Variants in PTBP2 observed in about 807,000 individuals in gnomAD.
PTBP2 encodes polypyrimidine tract binding protein 2.
Under a neutral mutation model 61.4 loss-of-function variants are expected in PTBP2, and 13 were observed. The ratio of observed to expected loss-of-function variants is 0.21; its 90% CI spans 0.14 to 0.34. The LOEUF (loss-of-function observed/expected upper bound fraction) is 0.34. Ranked by LOEUF, PTBP2 falls within the 10% of genes least tolerant of loss-of-function variation. PTBP2 has a pLI of 1.00. For missense variants in PTBP2, 405 were observed against 642.6 expected (o/e 0.63, Z 4.00); for synonymous variants, 215 against 218.5 (o/e 0.98, Z 0.14).
intron 2 of PTBP2, among the ~76,000 whole-genome samples, chr1:96,736,090 T>TA (rs1325775976): frequency 6.6e-6 from 1 of 152,250 alleles, no homozygotes; most frequent in Non-Finnish European, 1.5e-5. Flanking sequence ...GCCCACCTGT[T>TA]ATTTTATAGC....
rs1190510551 is a variant in PTBP2, at chr1:96,815,042, T to C, written c.*1637T>C. The stretch of plus-strand genomic sequence containing the variant: ...ATACCATAAATAAATCTAGATGCTG[T>C]GAAAATATACCAGCTGGTTTTTTTT... On this transcript the variant is annotated 3_prime_UTR_variant, in exon 14 of 14. Coordinates refer to ENST00000674951, the MANE Select transcript of PTBP2 (RefSeq NM_021190.4). 6.6e-6 allele frequency: 1 copy of C among 152,536 alleles called. No homozygotes were observed. The highest frequency in any genetic ancestry group is 1.5e-5 in the Non-Finnish European group (1 of 67,984). The allele number at this position is 152,536 out of a possible 1,614,324, so 9.4% of individuals were successfully genotyped here. A position where few individuals can be genotyped will look rare whatever the true frequency, so the allele number is the denominator to read the frequency against.
Position 96,749,616 on chromosome 1 carries a change from T to C in PTBP2, c.40-1809T>C, listed in dbSNP as rs769884510. 3.7e-5 allele frequency: 17 copies of C among 455,708 alleles called. No individual in the cohort carries two copies. The East Asian group carries it at 6.9e-4, about 19-fold the overall frequency. 28.2% of individuals were successfully genotyped at this position (455,708 alleles called of 1,614,324 possible). A position where few individuals can be genotyped will look rare whatever the true frequency, so the allele number is the denominator to read the frequency against. ...GGGAGGGGCAAACTTTGATTTTGTA[T>C]GTGGAGTAACTTGACCTTCAGTTTT... On this transcript the variant is annotated intron_variant, in intron 2 of 13. Coordinates refer to ENST00000674951, the MANE Select transcript of PTBP2 (RefSeq NM_021190.4).
intron 7 of PTBP2, among the ~76,000 whole-genome samples, chr1:96,781,440 C>T (rs1658656789): frequency 6.6e-6 from 1 of 152,012 alleles, no homozygotes; most frequent in Non-Finnish European, 1.5e-5. Context: ...ATTCTCCTCT[C>T]ATGCCTTTTT....
intron 2 of PTBP2, among the ~76,000 whole-genome samples, chr1:96,748,599 CTT>C (rs1488768142): frequency 6.6e-6 from 1 of 152,024 alleles, no homozygotes; most frequent in Non-Finnish European, 1.5e-5. Flanking sequence ...CTATGCTAGT[CTT>C]AACATTTAAT....
intron 2 of PTBP2, among the ~76,000 whole-genome samples, chr1:96,747,498 G>A (rs1477287942): frequency 1.3e-5 from 2 of 151,886 alleles, no homozygotes; most frequent in Non-Finnish European, 2.9e-5. Context: ...TTATTTTTGT[G>A]TATTGTATTT....
At chr1:96,797,288 T>A (rs1425595387) in intron 8 of PTBP2, among the ~76,000 whole-genome samples, 1 of 152,134 alleles carries the variant, frequency 6.6e-6, no homozygotes, top group African/African-American at 2.4e-5. Context: ...CAAAAATGAC[T>A]TTTTGAGGGA....
At chr1:96,773,782 G>C (rs187191883) in intron 5 of PTBP2, among the ~76,000 whole-genome samples, 29 of 151,912 alleles carry the variant, frequency 1.9e-4, no homozygotes, top group Non-Finnish European at 4.0e-4. Flanking sequence ...CGAGACCATG[G>C]TGAAACCCCG....
chr1:96,760,214 A>T (rs1316878301), intron 3 of PTBP2, among the ~76,000 whole-genome samples: 1 of 151,102 alleles, frequency 6.6e-6, no homozygotes, highest in Admixed American at 6.6e-5. Context: ...GAGCAGCCCA[A>T]TTTTTTTTTA....
At chr1:96,724,512 G>A (rs1005914506) in intron 2 of PTBP2, among the ~76,000 whole-genome samples, 3 of 152,012 alleles carry the variant, frequency 2.0e-5, no homozygotes. Flanking sequence ...TGATCTGCCT[G>A]CCTTGACCTC....
chr1:96,806,227 T>C (rs998291386), intron 9 of PTBP2, among the ~76,000 whole-genome samples, 192 bp from the exon 10 acceptor site: 1 of 152,140 alleles, frequency 6.6e-6, no homozygotes, highest in Non-Finnish European at 1.5e-5. Flanking sequence ...ATTCCCTATG[T>C]TCATGCTTCT....
At chr1:96,802,211 GA>G (rs5776325) in intron 8 of PTBP2, among the ~76,000 whole-genome samples, 336 of 54,020 alleles carry the variant, frequency 6.2e-3, no homozygotes, top group African/African-American at 0.017. Context: ...ACTCCGTCTC[GA>G]AAAAAAAAAA....
downstream of PTBP2, chr1:96,818,945 C>G (rs947198144): frequency 6.6e-6 from 1 of 151,836 alleles, no homozygotes; most frequent in Non-Finnish European, 1.5e-5. Context: ...TAATACTGAT[C>G]AAAAGAAATA....
rs756037790 is a variant in PTBP2, at chr1:96,785,065, G to C, written c.715G>C (p.Asp239His). The change falls in exon 8 of 14, where the codon GAT (aspartate) becomes CAT (histidine). Residue 239 changes from aspartate to histidine, a missense_variant. By Grantham distance (81) the Asp-to-His change is moderately conservative. Transcript: ENST00000674951. The stretch of plus-strand genomic sequence containing the variant: ...GCTTTATTCACTTTTACAGGCCCTA[G>C]ATGGTCAGAATATTTATAATGCCTG... ...VNAQQAKLAL[D>H]GQNIYNACCT... 1 of 1,581,284 alleles carries C rather than the reference G, an allele frequency of 6.3e-7. No homozygotes were observed. The highest frequency in any genetic ancestry group is 8.6e-7 in the Non-Finnish European group (1 of 1,163,240).
In PTBP2 at chr1:96,734,906, T is replaced by G. The variant is rs1425356158; in HGVS notation, c.39+11312T>G. Among the ~76,000 whole-genome samples, 424 of 73,682 alleles carry G rather than the reference T, an allele frequency of 5.8e-3. 2 individuals are homozygous for G. Among genetic ancestry groups the G allele is most frequent in the African/African-American group, 0.016 (415 of 26,418 alleles). The allele number at this position is 73,682 out of a possible 152,430, so 48.3% of individuals were successfully genotyped here. A position where few individuals can be genotyped will look rare whatever the true frequency, so the allele number is the denominator to read the frequency against. On this transcript the variant is annotated intron_variant, in intron 2 of 13. Transcript: ENST00000674951. Reference sequence around the variant, plus strand: ...AATAATTGTCTCCTTTTTTTTTCTTTTTTTTTTTTTTTTTTTCCTGCTTTT... The same window carrying G: ...AATAATTGTCTCCTTTTTTTTTCTTGTTTTTTTTTTTTTTTTCCTGCTTTT...
chr1:96,777,763 G>C lies in PTBP2; in HGVS notation c.597+14G>C. The C allele has an allele frequency of 6.4e-7, 1 of 1,572,306 alleles. No homozygotes were observed. The highest frequency in any genetic ancestry group is 1.7e-4 in the Middle Eastern group (1 of 5,876). On this transcript the variant is annotated intron_variant, in intron 6 of 13. Coordinates refer to ENST00000674951, the MANE Select transcript of PTBP2 (RefSeq NM_021190.4). ...GTTCTTCACCAAGTAAGTTTAATCT[G>C]CATAATTACCTATAAATTAGAGAAA... is the stretch of plus-strand genomic sequence containing the variant.
intron 2 of PTBP2, among the ~76,000 whole-genome samples, chr1:96,743,534 G>A (rs1653336149): frequency 6.6e-6 from 1 of 151,902 alleles, no homozygotes; most frequent in African/African-American, 2.4e-5. Flanking sequence ...CTTTTATTAG[G>A]TATTGCAAAA....
At chr1:96,735,074 C>T (rs1651985803) in intron 2 of PTBP2, among the ~76,000 whole-genome samples, 1 of 151,834 alleles carries the variant, frequency 6.6e-6, no homozygotes, top group Non-Finnish European at 1.5e-5. Flanking sequence ...CCTGCCACTA[C>T]ACCTGGCTAA....
intron 7 of PTBP2, among the ~76,000 whole-genome samples, chr1:96,784,180 A>G (rs1658980286): frequency 6.6e-6 from 1 of 152,122 alleles, no homozygotes; most frequent in African/African-American, 2.4e-5. Context: ...ATCCAGCTGA[A>G]CTAGAAATGG....
At chr1:96,800,285 A>C (rs1660838638) in intron 8 of PTBP2, among the ~76,000 whole-genome samples, 1 of 151,968 alleles carries the variant, frequency 6.6e-6, no homozygotes, top group Non-Finnish European at 1.5e-5. Context: ...TTACCTCCTT[A>C]GAAAGAGGTA....
Sources: allele counts gnomAD v4.1 joint callset (sites outside exome capture counted in the v4.1 genomes callset), GRCh38; gene constraint gnomAD v4.1.1; transcripts MANE v1.5; gene names NCBI Gene and HGNC (gene_info 2026-07-23, HGNC 2026-07-21).